The following HYAL1 variants were observed in gnomAD, a reference collection of about 807,000 sequenced individuals.
HYAL1 encodes hyaluronidase-1.
In HYAL1, 21 loss-of-function variants were observed where a neutral mutation model predicts 28.8. That is an observed-to-expected ratio of 0.73 (90% CI 0.52 to 1.05). HYAL1 has a LOEUF of 1.05. Among genes scored for constraint, HYAL1 ranks in the 50% least tolerant of loss-of-function variants. The pLI is 0.00. For synonymous variants in HYAL1, 200 were observed against 230.1 expected, an observed-to-expected ratio of 0.87 and a Z score of 1.18; for missense variants, 491 against 579.2, an observed-to-expected ratio of 0.85 and a Z score of 1.56.
upstream of HYAL1, among the ~76,000 whole-genome samples, chr3:50,308,027 C>G (rs1318387024): frequency 1.3e-5 from 2 of 151,128 alleles, no homozygotes; most frequent in Non-Finnish European, 2.9e-5. Flanking sequence ...GATCTCCTGA[C>G]CTCGTGATCC....
intron 1 of HYAL1, among the ~76,000 whole-genome samples, chr3:50,311,642 CG>C (rs1702460107): frequency 1.5e-5 from 2 of 136,058 alleles, no homozygotes; most frequent in African/African-American, 5.7e-5. Flanking sequence ...ACCTCCCTCC[CG>C]GATGGGGCGG....
At chr3:50,311,915 G>A (rs1250030938) in intron 1 of HYAL1, among the ~76,000 whole-genome samples, 5 of 138,802 alleles carry the variant, frequency 3.6e-5, no homozygotes, top group African/African-American at 8.3e-5. Context: ...CTCCCCTCAC[G>A]GATGGGGTGG....
upstream of HYAL1, among the ~76,000 whole-genome samples, chr3:50,308,478 C>T (rs587713565): frequency 2.1e-4 from 32 of 149,646 alleles, no homozygotes; most frequent in Non-Finnish European, 4.3e-4. Flanking sequence ...GATGGATTCT[C>T]GCTCTGTCAC....
Position 50,300,250 on chromosome 3 carries a change from A to G in HYAL1, c.*233T>C, listed in dbSNP as rs187533933. On this transcript the variant is annotated 3_prime_UTR_variant, in exon 4 of 4. Transcript: ENST00000395144. Reference sequence around the variant, plus strand: ...TGGAGGAATTGTCTATGACCTTGCCAAGTAGATGCATATGGACATGGAATG... The same window carrying G: ...TGGAGGAATTGTCTATGACCTTGCCGAGTAGATGCATATGGACATGGAATG... 2 of 581,832 alleles carry G rather than the reference A, an allele frequency of 3.4e-6. No homozygotes were observed. The highest frequency in any genetic ancestry group is 3.7e-5 in the African/African-American group (2 of 54,442). The allele number at this position is 581,832 out of a possible 1,614,324, so 36.0% of individuals were successfully genotyped here. A position where few individuals can be genotyped will look rare whatever the true frequency, so the allele number is the denominator to read the frequency against.
At chr3:50,311,777 T>C (rs1702465666) in intron 1 of HYAL1, among the ~76,000 whole-genome samples, 1 of 126,570 alleles carries the variant, frequency 7.9e-6, no homozygotes, top group African/African-American at 3.1e-5. Context: ...GGCTCCTCAC[T>C]TCCCAGTAGG....
At position 50,302,860 on chromosome 3, in the gene HYAL1, T is replaced by G; in HGVS notation, c.97A>C (p.Thr33Pro). 2 of 1,613,602 alleles carry G rather than the reference T, an allele frequency of 1.2e-6. No homozygotes were observed. Among genetic ancestry groups the G allele is most frequent in the Non-Finnish European group, 1.7e-6 (2 of 1,179,724 alleles). Residue 33 changes from threonine (T) to proline (P), a missense_variant, in exon 2 of 4, where the codon ACC (threonine) becomes CCC (proline). Physicochemically the swap from Thr to Pro is conservative, Grantham distance 38. Transcript: ENST00000395144. This position sits in a 1 kb window ranked among gnomAD's most constrained non-coding sequence, Gnocchi z 5.0. Reference protein sequence around the residue: ...RGPLLPNRPFTTVWNANTQWC... With the variant: ...RGPLLPNRPFPTVWNANTQWC... ...TGGGTGTTTGCATTCCAGACGGTGG[T>G]GAAGGGCCGGTTGGGTAGCAAGGGG...
chr3:50,303,027 T>A (rs1362308614), intron 1 of HYAL1, 47 bp from the exon 2 acceptor site: 8 of 1,415,024 alleles, frequency 5.7e-6, no homozygotes, highest in Non-Finnish European at 7.6e-6. Flanking sequence ...AGTCTCCGAT[T>A]CCCCCACTGC....
Position 50,300,330 on chromosome 3 carries a change from T to C in HYAL1, c.*153A>G, listed in dbSNP as rs1702068478. The C allele has an allele frequency of 2.7e-6, 2 of 743,886 alleles. No homozygotes were observed. Among genetic ancestry groups the C allele is most frequent in the Admixed American group, 2.0e-5 (1 of 49,474 alleles). 46.1% of individuals were successfully genotyped at this position (743,886 alleles called of 1,614,324 possible). ...ATGCCACTATTCCAGTCTGTAAGTA[T>C]GCATGTGTGTGCAGGGAATATGCCT... On this transcript the variant is annotated 3_prime_UTR_variant, in exon 4 of 4. Transcript: ENST00000395144.
At chr3:50,308,151 G>C (rs1388611899), upstream of HYAL1, among the ~76,000 whole-genome samples, 6 of 150,660 alleles carry the variant, frequency 4.0e-5, no homozygotes, top group East Asian at 1.9e-4. Context: ...CTTCAGGGTA[G>C]AGTCTTGCTT....
intron 1 of HYAL1, among the ~76,000 whole-genome samples, chr3:50,310,592 C>CT (rs1181058382): frequency 6.9e-4 from 81 of 117,940 alleles, no homozygotes; most frequent in East Asian, 6.3e-3. Flanking sequence ...TTTTTTTTTT[C>CT]TTTTTTTTTT....
At chr3:50,307,701 A>C (rs1162072146), upstream of HYAL1, among the ~76,000 whole-genome samples, 10 of 149,888 alleles carry the variant, frequency 6.7e-5, no homozygotes, top group East Asian at 1.9e-4. Flanking sequence ...AAAAAAAAAA[A>C]AAACCCAAAA....
upstream of HYAL1, among the ~76,000 whole-genome samples, chr3:50,304,293 AAAAATATAT>A (rs1702286089): frequency 7.0e-5 from 4 of 57,040 alleles, no homozygotes; most frequent in East Asian, 5.6e-4. Context: ...AAAAAAAAAA[AAAAATATAT>A]ATATATATAT....
upstream of HYAL1, among the ~76,000 whole-genome samples, chr3:50,305,233 C>T (rs1180227273): frequency 3.3e-5 from 5 of 152,060 alleles, no homozygotes; most frequent in South Asian, 2.1e-4. Flanking sequence ...AGCTTATGTA[C>T]TTCTGTTTTT....
chr3:50,301,458 A>G (rs1200860527), intron 2 of HYAL1, among the ~76,000 whole-genome samples: 7 of 150,930 alleles, frequency 4.6e-5, no homozygotes, highest in Admixed American at 6.6e-5. Context: ...TCTACTAAAA[A>G]TACAAAAATT....
upstream of HYAL1, among the ~76,000 whole-genome samples, chr3:50,305,257 T>G (rs1307570366): frequency 6.6e-6 from 1 of 152,190 alleles, no homozygotes; most frequent in Non-Finnish European, 1.5e-5. Flanking sequence ...TTATTTTTAT[T>G]TTTTGAGACG....
At chr3:50,305,893 C>T (rs1702326992), upstream of HYAL1, among the ~76,000 whole-genome samples, 1 of 151,432 alleles carries the variant, frequency 6.6e-6, no homozygotes, top group African/African-American at 2.5e-5. Flanking sequence ...TAAAACCAAG[C>T]TGTGCCCGGA....
chr3:50,302,288 T>G lies in HYAL1; in HGVS notation c.669A>C (p.Ser223=). 6.2e-7 allele frequency: 1 copy of G among 1,613,722 alleles called. No homozygotes were observed. The highest frequency in any genetic ancestry group is 8.5e-7 in the Non-Finnish European group (1 of 1,180,012). The change falls in exon 2 of 4, where the codon TCA becomes TCC. Residue 223 remains serine (S), a synonymous_variant. Transcript: ENST00000395144. This position sits in a 1 kb window ranked among gnomAD's most constrained non-coding sequence, Gnocchi z 5.0. ...LSPNYTGQCP[S]GIRAQNDQLG... Reference sequence around the variant, plus strand: ...GCTGGTCATTTTGGGCACGGATGCCTGATGGGCACTGGCCGGTGTAGTTGG... The same window carrying G: ...GCTGGTCATTTTGGGCACGGATGCCGGATGGGCACTGGCCGGTGTAGTTGG...
At chr3:50,304,274 C>CA (rs1156334129), upstream of HYAL1, among the ~76,000 whole-genome samples, 9 of 2,896 alleles carry the variant, frequency 3.1e-3, 1 homozygote, top group Non-Finnish European at 5.7e-3. Context: ...GACTCCATCT[C>CA]AAAAAAAAAA....
intron 2 of HYAL1, among the ~76,000 whole-genome samples, chr3:50,308,619 T>C (rs1553714350): frequency 6.6e-6 from 1 of 150,578 alleles, no homozygotes; most frequent in African/African-American, 2.5e-5. Context: ...GGCTAATTTT[T>C]TGTATTTTTG....
Sources: allele counts gnomAD v4.1 joint callset (sites outside exome capture counted in the v4.1 genomes callset), GRCh38; gene constraint gnomAD v4.1.1; non-coding constraint Gnocchi (gnomAD v3.1); transcripts MANE v1.5; gene names NCBI Gene and HGNC (gene_info 2026-07-23, HGNC 2026-07-21).